PDZRN3: variants seen among roughly 807,000 people sequenced by gnomAD.
PDZRN3 encodes the protein E3 ubiquitin-protein ligase PDZRN3.
Under a neutral mutation model 85.7 loss-of-function variants are expected in PDZRN3, and 38 were observed. That is an observed-to-expected ratio of 0.44 (90% confidence interval 0.34 to 0.58). PDZRN3 has a LOEUF of 0.58. Among genes scored for constraint, PDZRN3 ranks in the 20% least tolerant of loss-of-function variants. PDZRN3 has a pLI of 0.01. For missense variants in PDZRN3, 1,629 were observed against 1,506.4 expected (o/e 1.08, Z -1.35); for synonymous variants, 759 against 638.0 (o/e 1.19, Z -2.86).
At chr3:73,520,578 C>T (rs1230230521) in intron 3 of PDZRN3, among the ~76,000 whole-genome samples, 1 of 152,136 alleles carries the variant, frequency 6.6e-6, no homozygotes, top group Non-Finnish European at 1.5e-5. Context: ...GTCTTTACAG[C>T]CCAACCCTGA....
chr3:73,391,161 C>T (rs777110309), intron 5 of PDZRN3, 45 bp from the exon 6 acceptor site: 14 of 1,130,078 alleles, frequency 1.2e-5, no homozygotes, highest in Non-Finnish European at 1.7e-5. Flanking sequence ...GCAGGCAATG[C>T]GAGTTGAGGG....
At chr3:73,599,986 A>G (rs746113028) in intron 3 of PDZRN3, among the ~76,000 whole-genome samples, 26 of 152,224 alleles carry the variant, frequency 1.7e-4, no homozygotes, top group Non-Finnish European at 3.1e-4. Flanking sequence ...GTATGTATGC[A>G]TATAAATGTT....
intron 3 of PDZRN3, among the ~76,000 whole-genome samples, chr3:73,489,771 T>C (rs1249265899): frequency 1.3e-5 from 2 of 151,828 alleles, no homozygotes; most frequent in Non-Finnish European, 2.9e-5. Flanking sequence ...TGGTGTTTCA[T>C]CAGTTGGCCA....
chr3:73,560,969 G>T (rs1279369980), intron 3 of PDZRN3, among the ~76,000 whole-genome samples: 1 of 152,178 alleles, frequency 6.6e-6, no homozygotes, highest in African/African-American at 2.4e-5. Flanking sequence ...ACAAGGGAAG[G>T]GAAGAGAAGA....
At chr3:73,606,823 T>C (rs1273827184) in intron 2 of PDZRN3, among the ~76,000 whole-genome samples, 2 of 152,246 alleles carry the variant, frequency 1.3e-5, no homozygotes, top group African/African-American at 4.8e-5. Flanking sequence ...CATTGTTTGT[T>C]TCTTTTTGAA....
chr3:73,479,255 C>T (rs1162164555), intron 3 of PDZRN3, among the ~76,000 whole-genome samples: 1 of 152,130 alleles, frequency 6.6e-6, no homozygotes, highest in Non-Finnish European at 1.5e-5. Flanking sequence ...CTTTCAGCCC[C>T]CAAGGAAGAA....
intron 3 of PDZRN3, among the ~76,000 whole-genome samples, chr3:73,529,619 A>G (rs1407529163): frequency 6.6e-6 from 1 of 152,194 alleles, no homozygotes; most frequent in African/African-American, 2.4e-5. Context: ...GGGCTGTGGG[A>G]GGGTGGGACA....
At position 73,404,543 on chromosome 3, in the gene PDZRN3, T is replaced by A. The variant is rs1701816518; in HGVS notation, c.919-148A>T. 6 of 762,520 alleles carry A rather than the reference T, an allele frequency of 7.9e-6. No homozygotes were observed. In the East Asian group the frequency reaches 1.6e-4, roughly 20 times the overall value. The allele number at this position is 762,520 out of a possible 1,614,324, so 47.2% of individuals were successfully genotyped here. ...AGAACTTCAGTTCTCTGTGTTTAGG[T>A]TTCCCGAAGAATGCCTGGTGGAAAG... On this transcript the variant is annotated intron_variant, in intron 3 of 9. Transcript: ENST00000263666.
intron 3 of PDZRN3, among the ~76,000 whole-genome samples, chr3:73,441,236 A>C (rs929793965): frequency 6.6e-6 from 1 of 152,008 alleles, no homozygotes; most frequent in Non-Finnish European, 1.5e-5. Context: ...AACATGGTGA[A>C]ACCTCGTCTC....
intron 1 of PDZRN3, among the ~76,000 whole-genome samples, chr3:73,609,540 A>G (rs1293880294): frequency 2.6e-5 from 4 of 152,218 alleles, no homozygotes; most frequent in Non-Finnish European, 5.9e-5. Context: ...CACCTTTGAC[A>G]GTTTTCAATT....
At position 73,420,020 on chromosome 3, in the gene PDZRN3, G is replaced by C. The variant is rs530746691; in HGVS notation, c.919-15625C>G. On this transcript the variant is annotated intron_variant, in intron 3 of 9. Coordinates refer to ENST00000263666, the MANE Select transcript of PDZRN3 (RefSeq NM_015009.3). ...CATACTTTCCTAAGTGTTTTCACTT[G>C]CTTTAGCTCCAGGAATATGTGTCAA... 2.6e-5 allele frequency among the ~76,000 whole-genome samples: 4 copies of C among 152,266 alleles called. No individual in the cohort carries two copies. In the East Asian group the frequency reaches 7.7e-4, roughly 29 times the overall value.
intron 1 of PDZRN3, among the ~76,000 whole-genome samples, chr3:73,616,957 C>T (rs1277083249): frequency 5.3e-5 from 8 of 152,200 alleles, no homozygotes; most frequent in African/African-American, 1.7e-4. Flanking sequence ...ACACGCAATA[C>T]ACTAGCTCTA....
chr3:73,569,112 A>G (rs1192207444), intron 3 of PDZRN3: 2 of 1,216,298 alleles, frequency 1.6e-6, no homozygotes, highest in African/African-American at 3.1e-5. Flanking sequence ...CAGCTCACCT[A>G]TTCTAAATCA....
chr3:73,624,742 C>T lies in PDZRN3; in HGVS notation c.84G>A (p.Pro28=), dbSNP rs1702942894. ...CALCHKVLED[P]LTTPCGHVFC... is the part of the protein sequence containing the mutation. ...AGACGTGGCCGCACGGCGTGGTCAG[C>T]GGGTCCTCCAGGACCTTGTGGCACA... The change falls in exon 1 of 10, where the codon CCG becomes CCA. Residue 28 remains proline (P), a synonymous_variant. Coordinates refer to ENST00000263666, the MANE Select transcript of PDZRN3 (RefSeq NM_015009.3). The T allele has an allele frequency of 1.3e-6, 2 of 1,527,564 alleles. No homozygotes were observed. The highest frequency in any genetic ancestry group is 1.2e-5 in the South Asian group (1 of 82,290). 94.6% of individuals were successfully genotyped at this position (1,527,564 alleles called of 1,614,324 possible). A position where few individuals can be genotyped will look rare whatever the true frequency, so the allele number is the denominator to read the frequency against.
intron 3 of PDZRN3, among the ~76,000 whole-genome samples, chr3:73,517,565 C>T (rs1704278411): frequency 6.6e-6 from 1 of 152,144 alleles, no homozygotes. Context: ...GAAATGTACA[C>T]AAGAGAATAT....
intron 3 of PDZRN3, among the ~76,000 whole-genome samples, chr3:73,474,102 G>C (rs1390252929): frequency 6.6e-6 from 1 of 152,168 alleles, no homozygotes; most frequent in Non-Finnish European, 1.5e-5. Flanking sequence ...TCTCCCTGAT[G>C]CTTCTAAACC....
chr3:73,526,756 C>T (rs991960809), intron 3 of PDZRN3, among the ~76,000 whole-genome samples: 1 of 152,100 alleles, frequency 6.6e-6, no homozygotes, highest in East Asian at 1.9e-4. Flanking sequence ...GGGGTGATCT[C>T]GACTCACTGC....
intron 3 of PDZRN3, among the ~76,000 whole-genome samples, chr3:73,539,351 T>C (rs992211890): frequency 9.2e-5 from 14 of 152,144 alleles, no homozygotes; most frequent in African/African-American, 9.7e-5. Flanking sequence ...TCAGTTGAAA[T>C]TGAGGTTGTA....
chr3:73,399,384 G>C (rs1027463072), intron 5 of PDZRN3, among the ~76,000 whole-genome samples: 4 of 152,152 alleles, frequency 2.6e-5, no homozygotes, highest in Middle Eastern at 3.2e-3. Flanking sequence ...CAGGTACTTG[G>C]CCAGAGAGGT....
Sources: allele counts gnomAD v4.1 joint callset (sites outside exome capture counted in the v4.1 genomes callset), GRCh38; gene constraint gnomAD v4.1.1; transcripts MANE v1.5; gene names NCBI Gene and HGNC (gene_info 2026-07-23, HGNC 2026-07-21).